Variants in PPP3CA observed in about 807,000 individuals in gnomAD.
The protein encoded by PPP3CA is protein phosphatase 3 catalytic subunit alpha, also known as CAM-PRP catalytic subunit.
In PPP3CA, 14 loss-of-function variants were observed where a neutral mutation model predicts 66.5. That is an observed-to-expected ratio of 0.21 (90% confidence interval 0.14 to 0.33). PPP3CA has a LOEUF of 0.33. Among genes scored for constraint, PPP3CA ranks in the 10% least tolerant of loss-of-function variants. The pLI is 1.00. For synonymous variants in PPP3CA, 232 were observed against 226.2 expected (o/e 1.03, Z -0.23); for missense variants, 317 against 639.5 (o/e 0.50, Z 5.44).
At chr4:101,307,301 T>C (rs1351247705) in intron 1 of PPP3CA, among the ~76,000 whole-genome samples, 1 of 152,166 alleles carries the variant, frequency 6.6e-6, no homozygotes, top group Non-Finnish European at 1.5e-5. Flanking sequence ...CAGATTAAGT[T>C]TTCCTGGTCT....
At chr4:101,154,807 A>ACTTTT in intron 2 of PPP3CA, among the ~76,000 whole-genome samples, 1 of 122,952 alleles carries the variant, frequency 8.1e-6, no homozygotes, top group African/African-American at 3.5e-5. Flanking sequence ...TCACTCCCAG[A>ACTTTT]ATTTTTTTTT....
chr4:101,347,097 T>C lies in PPP3CA; in HGVS notation c.-301A>G. On this transcript the variant is annotated 5_prime_UTR_variant, in exon 1 of 14. Coordinates refer to ENST00000394854, the MANE Select transcript of PPP3CA (RefSeq NM_000944.5). ...TTCTGAGCACGCCTCCCGGTTCTTC[T>C]TTTATTCTTGGGGGAAGGGGGATGG... 1.9e-6 allele frequency: 1 copy of C among 516,056 alleles called. No homozygotes were observed. The highest frequency in any genetic ancestry group is 3.5e-6 in the Non-Finnish European group (1 of 289,362). The allele number at this position is 516,056 out of a possible 1,614,324, so 32.0% of individuals were successfully genotyped here.
intron 1 of PPP3CA, among the ~76,000 whole-genome samples, chr4:101,242,134 A>C (rs1198499052): frequency 6.6e-6 from 1 of 151,880 alleles, no homozygotes; most frequent in African/African-American, 2.4e-5. Context: ...CTTAAAAATG[A>C]AATTCTTAAG....
chr4:101,277,348 T>C (rs1043976547), intron 1 of PPP3CA, among the ~76,000 whole-genome samples: 1 of 152,224 alleles, frequency 6.6e-6, no homozygotes, highest in African/African-American at 2.4e-5. Flanking sequence ...ATAAAGCTGC[T>C]GTGGACATTT....
At chr4:101,265,762 C>T (rs1254342392) in intron 1 of PPP3CA, among the ~76,000 whole-genome samples, 1 of 152,148 alleles carries the variant, frequency 6.6e-6, no homozygotes, top group Non-Finnish European at 1.5e-5. Flanking sequence ...ACAAACATAA[C>T]TCATTTACCC....
chr4:101,340,464 T>G (rs1729778682), intron 1 of PPP3CA, among the ~76,000 whole-genome samples: 1 of 152,174 alleles, frequency 6.6e-6, no homozygotes, highest in Non-Finnish European at 1.5e-5. Context: ...TGCATATTTG[T>G]TAAAACGGAT....
At chr4:101,068,499 C>A (rs185359203) in intron 8 of PPP3CA, among the ~76,000 whole-genome samples, 26 of 152,148 alleles carry the variant, frequency 1.7e-4, no homozygotes, top group Non-Finnish European at 3.4e-4. Flanking sequence ...GGGAGCCATG[C>A]TACTTAGTTT....
intron 2 of PPP3CA, among the ~76,000 whole-genome samples, chr4:101,153,593 T>C (rs927126180): frequency 5.3e-5 from 8 of 152,280 alleles, no homozygotes; most frequent in African/African-American, 1.9e-4. Flanking sequence ...GGTGTCAAAA[T>C]ATCAACAAAA....
chr4:101,132,641 T>C (rs1031878071), intron 2 of PPP3CA, among the ~76,000 whole-genome samples: 3 of 152,192 alleles, frequency 2.0e-5, no homozygotes, highest in South Asian at 2.1e-4. Flanking sequence ...CAGGACCAGA[T>C]GTATTCACAG....
intron 1 of PPP3CA, among the ~76,000 whole-genome samples, chr4:101,291,248 C>A (rs570279918): frequency 2.1e-4 from 32 of 152,156 alleles, no homozygotes; most frequent in Non-Finnish European, 3.8e-4. Flanking sequence ...TAGGAGTAAT[C>A]TTTGGGGCCA....
chr4:101,264,403 C>T (rs987144731), intron 1 of PPP3CA, among the ~76,000 whole-genome samples: 1 of 151,756 alleles, frequency 6.6e-6, no homozygotes, highest in Non-Finnish European at 1.5e-5. Flanking sequence ...GAAATGACTT[C>T]TAAGGCATAC....
chr4:101,061,414 A>G (rs539116108), intron 9 of PPP3CA, among the ~76,000 whole-genome samples: 18 of 152,256 alleles, frequency 1.2e-4, no homozygotes, highest in African/African-American at 4.3e-4. Flanking sequence ...ACAATGACAA[A>G]TCAAATATGT....
At chr4:101,091,041 A>G (rs184393083) in intron 6 of PPP3CA, among the ~76,000 whole-genome samples, 2 of 152,216 alleles carry the variant, frequency 1.3e-5, no homozygotes, top group Admixed American at 6.5e-5. Flanking sequence ...TCAGTATTAT[A>G]TAAGTTCAGT....
intron 1 of PPP3CA, among the ~76,000 whole-genome samples, chr4:101,211,195 T>A (rs889613359): frequency 6.6e-6 from 1 of 152,130 alleles, no homozygotes; most frequent in Non-Finnish European, 1.5e-5. Context: ...GCCCCTGCTT[T>A]GGGGCTGTGC....
At chr4:101,292,529 T>C (rs961655163) in intron 1 of PPP3CA, among the ~76,000 whole-genome samples, 5 of 152,218 alleles carry the variant, frequency 3.3e-5, no homozygotes, top group Non-Finnish European at 7.3e-5. Flanking sequence ...ACACGAGTCC[T>C]CTTAGGATCC....
At chr4:101,145,496 G>C (rs1398685787) in intron 2 of PPP3CA, among the ~76,000 whole-genome samples, 1 of 152,062 alleles carries the variant, frequency 6.6e-6, no homozygotes, top group African/African-American at 2.4e-5. Context: ...GGAAATGGAG[G>C]GCAGGATGTT....
At chr4:101,282,007 T>C (rs1463551122) in intron 1 of PPP3CA, among the ~76,000 whole-genome samples, 1 of 152,160 alleles carries the variant, frequency 6.6e-6, no homozygotes. Context: ...TCTACAAAAA[T>C]TGATATTTGA....
At chr4:101,092,962 G>T (rs1299133804) in intron 6 of PPP3CA, among the ~76,000 whole-genome samples, 1 of 152,018 alleles carries the variant, frequency 6.6e-6, no homozygotes, top group Non-Finnish European at 1.5e-5. Flanking sequence ...AATCCTTTGG[G>T]TATATACCCA....
intron 2 of PPP3CA, among the ~76,000 whole-genome samples, chr4:101,132,168 A>G (rs1560618719): frequency 1.3e-5 from 2 of 152,232 alleles, no homozygotes; most frequent in Non-Finnish European, 1.5e-5. Context: ...TCTAAAATCT[A>G]CACCCTAACA....
Sources: allele counts gnomAD v4.1 joint callset (sites outside exome capture counted in the v4.1 genomes callset), GRCh38; gene constraint gnomAD v4.1.1; transcripts MANE v1.5; gene names NCBI Gene and HGNC (gene_info 2026-07-23, HGNC 2026-07-21).